The following RB1 variants were observed in gnomAD, a reference collection of about 807,000 sequenced individuals.
RB1 encodes the protein RB transcriptional corepressor 1, also known as retinoblastoma-associated protein.
In RB1, 18 loss-of-function variants were observed where a neutral mutation model predicts 135.4. The observed-to-expected ratio is 0.13, with a 90% CI of 0.09 to 0.20. The LOEUF (loss-of-function observed/expected upper bound fraction) is 0.20, where lower values mean the gene tolerates loss of function less well. Ranked by LOEUF, RB1 falls within the 10% of genes least tolerant of loss-of-function variation. The pLI is 1.00. For missense variants in RB1, 868 were observed against 1,110.0 expected, an observed-to-expected ratio of 0.78 and a Z score of 3.10; for synonymous variants, 365 against 373.2, an observed-to-expected ratio of 0.98 and a Z score of 0.25.
At chr13:48,406,203 G>A (rs530225282) in intron 17 of RB1, among the ~76,000 whole-genome samples, 1 of 148,814 alleles carries the variant, frequency 6.7e-6, no homozygotes, top group East Asian at 1.9e-4. Flanking sequence ...AAGGGTTAAT[G>A]TGTGTGTGTA....
rs369528831 is a variant in RB1, at chr13:48,406,687, A to C, written c.1695+25244A>C. On this transcript the variant is annotated intron_variant, in intron 17 of 26. Coordinates refer to ENST00000267163, the MANE Select transcript of RB1 (RefSeq NM_000321.3). ...ATGTTTTAATTCTTTCAGTATCCAA[A>C]TTCTCTCCCACAGGGCCTTTGCCTG... 5 of 152,160 alleles carry C rather than the reference A, an allele frequency of 3.3e-5. 1 individual carries two copies. The highest frequency in any genetic ancestry group is 1.9e-4 in the East Asian group (1 of 5,192). 9.4% of individuals were successfully genotyped at this position (152,160 alleles called of 1,614,324 possible). A position where few individuals can be genotyped will look rare whatever the true frequency, so the allele number is the denominator to read the frequency against.
intron 17 of RB1, among the ~76,000 whole-genome samples, chr13:48,392,143 C>T (rs1271451572): frequency 1.3e-5 from 2 of 151,986 alleles, no homozygotes; most frequent in African/African-American, 4.8e-5. Context: ...TGAAGCCTCG[C>T]TCTTTTGCCC....
At chr13:48,365,536 A>G (rs79186492) in intron 9 of RB1, among the ~76,000 whole-genome samples, 3,613 of 152,296 alleles carry the variant, frequency 0.024, 153 homozygotes, top group African/African-American at 0.083. Context: ...TGAGAACAGA[A>G]TAACTGAGAG....
chr13:48,347,135 C>T (rs1952505745), intron 4 of RB1, among the ~76,000 whole-genome samples: 1 of 151,928 alleles, frequency 6.6e-6, no homozygotes, highest in Non-Finnish European at 1.5e-5. Context: ...GCAGGAATTA[C>T]ATAGTGGACA....
At position 48,368,611 on chromosome 13, in the gene RB1, A is replaced by G. The variant is rs1952727668; in HGVS notation, c.1127+7A>G. ...CTCCACACACTCCAGTTAGGTATGA[A>G]TTTTCCTACTTTTAATTATATTATA... On this transcript the variant is annotated splice_region_variant and intron_variant, in intron 11 of 26. Transcript: ENST00000267163. The G allele has an allele frequency of 1.2e-6, 2 of 1,611,884 alleles. No individual in the cohort carries two copies. Among genetic ancestry groups the G allele is most frequent in the Non-Finnish European group, 1.7e-6 (2 of 1,179,160 alleles).
Position 48,391,152 on chromosome 13 carries a change from GAATCTTT to G in RB1, c.1695+9720_1695+9726del, listed in dbSNP as rs560467703. On this transcript the variant is annotated intron_variant, in intron 17 of 26. Coordinates refer to ENST00000267163, the MANE Select transcript of RB1 (RefSeq NM_000321.3). ...GTAATTGTTTTTTGATTTATAATATGAATCTTTAATCTTTAATAGTCTTTCTTTAAAT... is the reference window on the plus strand; with the variant it reads ...GTAATTGTTTTTTGATTTATAATATGAATCTTTAATAGTCTTTCTTTAAAT... Among the ~76,000 whole-genome samples, 40 of 151,982 alleles carry G rather than the reference GAATCTTT, an allele frequency of 2.6e-4. No homozygotes were observed. In the South Asian group the frequency reaches 7.3e-3, roughly 28 times the overall value.
At chr13:48,309,511 C>A (rs1952113913) in intron 2 of RB1, among the ~76,000 whole-genome samples, 1 of 152,104 alleles carries the variant, frequency 6.6e-6, no homozygotes, top group African/African-American at 2.4e-5. Context: ...GTATTATAAT[C>A]CCCAGGCATC....
At chr13:48,330,384 G>GT (rs55824704) in intron 2 of RB1, among the ~76,000 whole-genome samples, 9 of 151,764 alleles carry the variant, frequency 5.9e-5, no homozygotes, top group African/African-American at 1.5e-4. Flanking sequence ...AAAATGAAGA[G>GT]TTTTTTTGAA....
At chr13:48,346,747 G>A (rs1054602649) in intron 4 of RB1, among the ~76,000 whole-genome samples, 2 of 152,050 alleles carry the variant, frequency 1.3e-5, no homozygotes, top group African/African-American at 4.8e-5. Flanking sequence ...ATGACTGTGT[G>A]TAAGGAAGAA....
rs587778826 is a variant in RB1, at chr13:48,347,832, G to A, written c.508G>A (p.Glu170Lys). The change falls in exon 5 of 27, where the codon GAA becomes AAA. Residue 170 changes from glutamate (E) to lysine (K), a missense_variant. By Grantham distance (56) the Glu-to-Lys change is moderately conservative. This residue lies in a region of RB1 where 641 missense variants were observed against 791.3 expected (regional missense o/e 0.81). Coordinates refer to ENST00000267163, the MANE Select transcript of RB1 (RefSeq NM_000321.3). ...TAATGTTTTTCTTTTCAGGACATGT[G>A]AACTTATATATTTGACACAACCCAG... ...ALFSKLERTC[E>K]LIYLTQPSSS... 6.3e-7 allele frequency: 1 copy of A among 1,591,902 alleles called. No homozygotes were observed. Among genetic ancestry groups the A allele is most frequent in the African/African-American group, 1.3e-5 (1 of 74,412 alleles).
At chr13:48,394,434 C>T (rs1948632693) in intron 17 of RB1, among the ~76,000 whole-genome samples, 1 of 152,176 alleles carries the variant, frequency 6.6e-6, no homozygotes, top group East Asian at 1.9e-4. Flanking sequence ...GGGGCTGAAG[C>T]CAGGGAGCCA....
At chr13:48,387,074 C>G (rs1009659184) in intron 17 of RB1, among the ~76,000 whole-genome samples, 1 of 152,196 alleles carries the variant, frequency 6.6e-6, no homozygotes, top group African/African-American at 2.4e-5. Context: ...TACTCCTCCT[C>G]TTTCCATATG....
intron 1 of RB1, among the ~76,000 whole-genome samples, chr13:48,306,883 C>G (rs1178160888): frequency 1.3e-5 from 2 of 152,172 alleles, no homozygotes; most frequent in Non-Finnish European, 2.9e-5. Context: ...TAAGAGAAGA[C>G]TACAGTTTAA....
intron 12 of RB1, among the ~76,000 whole-genome samples, chr13:48,374,374 G>A (rs1390950115): frequency 2.6e-5 from 4 of 152,088 alleles, no homozygotes; most frequent in Non-Finnish European, 5.9e-5. Flanking sequence ...TTGGACATAG[G>A]GTCAGGAGAC....
intron 2 of RB1, among the ~76,000 whole-genome samples, chr13:48,320,688 G>T (rs569819123): frequency 1.3e-5 from 2 of 152,152 alleles, no homozygotes; most frequent in South Asian, 4.2e-4. Flanking sequence ...AAAATTAGCC[G>T]GGCGTGGTGG....
chr13:48,443,903 G>A (rs57394470), intron 17 of RB1, among the ~76,000 whole-genome samples: 2,758 of 152,118 alleles, frequency 0.018, 72 homozygotes, highest in African/African-American at 0.059. Context: ...TGATGTGTAG[G>A]AAAAAACTCT....
Position 48,342,586 on chromosome 13 carries a change from T to C in RB1, c.265-13T>C, listed in dbSNP as rs1331450918. 1.4e-6 allele frequency: 2 copies of C among 1,462,930 alleles called. No individual in the cohort carries two copies. Among genetic ancestry groups the C allele is most frequent in the South Asian group, 1.1e-5 (1 of 87,778 alleles). 90.6% of individuals were successfully genotyped at this position (1,462,930 alleles called of 1,614,324 possible). On this transcript the variant is annotated splice_polypyrimidine_tract_variant and intron_variant, in intron 2 of 26. Coordinates refer to ENST00000267163, the MANE Select transcript of RB1 (RefSeq NM_000321.3). ...ATTTAATGAAATATTTGATCTTTAT[T>C]TTTTGTTCCCAGGGAGGTTATATTC...
chr13:48,346,821 G>A (rs1405156097), intron 4 of RB1, among the ~76,000 whole-genome samples: 6 of 151,896 alleles, frequency 4.0e-5, no homozygotes, highest in Non-Finnish European at 8.8e-5. Context: ...GTTAACCCAA[G>A]TTTTATATGA....
intron 9 of RB1, 46 bp from the exon 10 acceptor site, chr13:48,367,422 ATCTGTGCCTCTGTGTGCTGAGAGATG>A (rs1283780602): frequency 6.6e-7 from 1 of 1,522,678 alleles, no homozygotes; most frequent in East Asian, 2.3e-5. Flanking sequence ...CTTTAATGAA[ATCTGTGCCTCTGTGTGCTGAGAGATG>A]TAATGACATG....
Sources: gnomAD v4.1 joint callset for allele counts (sites outside exome capture counted in the v4.1 genomes callset) on GRCh38, gnomAD v4.1.1 for gene constraint, gnomAD v4.1.1 regional missense constraint, MANE v1.5 for transcripts, NCBI Gene and HGNC (gene_info 2026-07-23, HGNC 2026-07-21) for gene names.